The following PHKB variants were observed in gnomAD, a reference collection of about 807,000 sequenced individuals.
PHKB encodes phosphorylase kinase regulatory subunit beta, also known as phosphorylase b kinase regulatory subunit beta.
PHKB carries 122 observed loss-of-function variants against 152.1 expected under a neutral mutation model. The observed-to-expected ratio is 0.80, with a 90% CI of 0.69 to 0.93. The LOEUF (loss-of-function observed/expected upper bound fraction) is 0.93, where lower values mean the gene tolerates loss of function less well. PHKB is among the 40% of genes least tolerant of loss of function. The pLI, the probability that PHKB is intolerant of heterozygous loss-of-function variation, is 0.00. For missense variants in PHKB, 1,304 were observed against 1,328.4 expected (o/e 0.98, Z 0.29); for synonymous variants, 436 against 464.9 (o/e 0.94, Z 0.80).
intron 14 of PHKB, among the ~76,000 whole-genome samples, chr16:47,616,812 G>C (rs1972527596): frequency 6.6e-6 from 1 of 151,740 alleles, no homozygotes; most frequent in Non-Finnish European, 1.5e-5. Flanking sequence ...TGCCTTCAGA[G>C]CTGAGAGCCT....
At chr16:47,639,496 A>T (rs913481899) in intron 14 of PHKB, among the ~76,000 whole-genome samples, 2 of 152,168 alleles carry the variant, frequency 1.3e-5, no homozygotes, top group Non-Finnish European at 2.9e-5. Flanking sequence ...TTTGTGAACC[A>T]GACTATTTGA....
intron 6 of PHKB, among the ~76,000 whole-genome samples, chr16:47,523,366 G>A (rs1970716605): frequency 6.6e-6 from 1 of 152,164 alleles, no homozygotes; most frequent in South Asian, 2.1e-4. Flanking sequence ...TGTATTCTTT[G>A]TCATAGGTGG....
intron 24 of PHKB, 172 bp downstream of exon 24, chr16:47,663,906 T>C (rs1258880817): frequency 3.1e-6 from 2 of 637,454 alleles, no homozygotes; most frequent in African/African-American, 3.7e-5. Flanking sequence ...GTCCCCCCAC[T>C]GCCTCCACCA....
intron 14 of PHKB, among the ~76,000 whole-genome samples, chr16:47,613,648 A>G (rs1048787771): frequency 4.6e-5 from 7 of 152,178 alleles, no homozygotes; most frequent in Non-Finnish European, 1.0e-4. Context: ...TACATTAATT[A>G]CATTTTATTA....
intron 7 of PHKB, among the ~76,000 whole-genome samples, chr16:47,549,215 G>A (rs1971228158): frequency 6.6e-6 from 1 of 152,140 alleles, no homozygotes; most frequent in Non-Finnish European, 1.5e-5. Context: ...CAACATTCCA[G>A]ATTATCACTC....
chr16:47,637,587 A>T (rs1171149756), intron 14 of PHKB, among the ~76,000 whole-genome samples: 1 of 152,196 alleles, frequency 6.6e-6, no homozygotes, highest in Non-Finnish European at 1.5e-5. Flanking sequence ...ATGAGATTTG[A>T]GAAAGAGAGA....
At chr16:47,671,440 ATTG>A (rs1276419228) in intron 26 of PHKB, among the ~76,000 whole-genome samples, 1 of 152,086 alleles carries the variant, frequency 6.6e-6, no homozygotes, top group South Asian at 2.1e-4. Flanking sequence ...ATATTTCATA[ATTG>A]TTTTCTTTCT....
At chr16:47,566,924 G>C in intron 7 of PHKB, 1 of 585,122 alleles carries the variant, frequency 1.7e-6, no homozygotes, top group Non-Finnish European at 3.1e-6. Flanking sequence ...ACTGGAAACT[G>C]GTATTGTTGA....
intron 6 of PHKB, among the ~76,000 whole-genome samples, chr16:47,528,248 A>G (rs1278615917): frequency 6.6e-6 from 1 of 152,220 alleles, no homozygotes; most frequent in Non-Finnish European, 1.5e-5. Flanking sequence ...TGTAATAGCT[A>G]AGATTTTTTT....
intron 1 of PHKB, among the ~76,000 whole-genome samples, chr16:47,476,422 T>C (rs1175627339): frequency 6.6e-6 from 1 of 152,190 alleles, no homozygotes; most frequent in Non-Finnish European, 1.5e-5. Context: ...TAGTTTGTTA[T>C]ACCCACTTTA....
intron 1 of PHKB, among the ~76,000 whole-genome samples, chr16:47,486,102 C>T (rs1970045307): frequency 6.6e-6 from 1 of 152,094 alleles, no homozygotes; most frequent in African/African-American, 2.4e-5. Context: ...TGATCGTCTT[C>T]CAATGTAGTA....
chr16:47,503,364 G>C (rs1970356240), intron 4 of PHKB, among the ~76,000 whole-genome samples: 1 of 152,128 alleles, frequency 6.6e-6, no homozygotes, highest in South Asian at 2.1e-4. Flanking sequence ...TAAAGACCCA[G>C]TTTCTCAGGA....
chr16:47,574,904 C>T lies in PHKB; in HGVS notation c.711-5391C>T, dbSNP rs117935310. On this transcript the variant is annotated intron_variant, in intron 7 of 30. Transcript: ENST00000323584. ...ACAGTTTCATTTCTACCTTTCTCAGCTATATTCTTTTTATTTCCTTTTCTT... is the reference window on the plus strand; with the variant it reads ...ACAGTTTCATTTCTACCTTTCTCAGTTATATTCTTTTTATTTCCTTTTCTT... Among the ~76,000 whole-genome samples the T allele has an allele frequency of 3.7e-4, 56 of 152,312 alleles. No homozygotes were observed. The East Asian group carries it at 9.4e-3, about 26-fold the overall frequency.
intron 20 of PHKB, among the ~76,000 whole-genome samples, chr16:47,655,034 A>G (rs568855515): frequency 6.6e-6 from 1 of 152,312 alleles, no homozygotes; most frequent in East Asian, 1.9e-4. Context: ...ACATTTAAAA[A>G]GAATCAAATA....
chr16:47,685,984 G>T (rs966051816), intron 26 of PHKB, among the ~76,000 whole-genome samples: 5 of 151,964 alleles, frequency 3.3e-5, no homozygotes, highest in Non-Finnish European at 7.4e-5. Context: ...CTCATGATCC[G>T]CTGCCTCAGC....
chr16:47,660,585 AT>A lies in PHKB; in HGVS notation c.2033+21del. Reference sequence around the variant, plus strand: ...ACAGAAGAGTAAGTCCCTTTGGGTTATTTCATTTTTGGGTTTTTTGAAATTA... The same window carrying A: ...ACAGAAGAGTAAGTCCCTTTGGGTTATTCATTTTTGGGTTTTTTGAAATTA... On this transcript the variant is annotated intron_variant, in intron 21 of 30. Coordinates refer to ENST00000323584, the MANE Select transcript of PHKB (RefSeq NM_000293.3). The A allele has an allele frequency of 1.2e-6, 2 of 1,612,836 alleles. No homozygotes were observed. Among genetic ancestry groups the A allele is most frequent in the Non-Finnish European group, 1.7e-6 (2 of 1,178,852 alleles).
chr16:47,475,990 C>T (rs932369227), intron 1 of PHKB, among the ~76,000 whole-genome samples: 2 of 152,152 alleles, frequency 1.3e-5, no homozygotes, highest in South Asian at 2.1e-4. Flanking sequence ...GCCTCAGCCT[C>T]ATGAGTAACT....
chr16:47,602,966 T>C (rs1308135655), intron 13 of PHKB, among the ~76,000 whole-genome samples: 1 of 152,198 alleles, frequency 6.6e-6, no homozygotes, highest in Non-Finnish European at 1.5e-5. Context: ...ACCTAATTAT[T>C]CTGACAAACC....
chr16:47,696,470 C>A lies in PHKB; in HGVS notation c.2985C>A (p.Tyr995Ter), dbSNP rs142163694. The A allele has an allele frequency of 1.9e-6, 3 of 1,587,836 alleles. No homozygotes were observed. Among genetic ancestry groups the A allele is most frequent in the Non-Finnish European group, 2.6e-6 (3 of 1,156,012 alleles). The stretch of plus-strand genomic sequence containing the variant: ...TGGGAAATATTGACCAGCCACAGTA[C>A]AGACAGATCGTTGTAGAGGTGAGTA... The part of the protein sequence containing the change: ...DTLGNIDQPQ[Y>*]RQIVVELLMV... Residue 995 changes from tyrosine to a stop codon, truncating the protein, a stop_gained, in exon 29 of 31, where the codon TAC becomes TAA. Transcript: ENST00000323584. LOFTEE classifies it high-confidence loss of function.
Sources: gnomAD v4.1 joint callset for allele counts (sites outside exome capture counted in the v4.1 genomes callset) on GRCh38, gnomAD v4.1.1 for gene constraint, MANE v1.5 for transcripts, NCBI Gene and HGNC (gene_info 2026-07-23, HGNC 2026-07-21) for gene names.